Variants in PPP2R2B observed in about 807,000 individuals in gnomAD.
PPP2R2B encodes serine/threonine-protein phosphatase 2A 55 kDa regulatory subunit B beta isoform.
Under a neutral mutation model 46.0 loss-of-function variants are expected in PPP2R2B, and 5 were observed. The ratio of observed to expected loss-of-function variants is 0.11; its 90% CI spans 0.06 to 0.23. The LOEUF (loss-of-function observed/expected upper bound fraction) is 0.23. Ranked by LOEUF, PPP2R2B falls within the 10% of genes least tolerant of loss-of-function variation. The pLI is 1.00. For synonymous variants in PPP2R2B, 215 were observed against 206.7 expected (o/e 1.04, Z -0.34); for missense variants, 367 against 575.0 (o/e 0.64, Z 3.70).
intron 1 of PPP2R2B, among the ~76,000 whole-genome samples, chr5:147,045,488 G>C (rs1046113171): frequency 6.6e-6 from 1 of 152,080 alleles, no homozygotes; most frequent in African/African-American, 2.4e-5. Context: ...TGTAAGCACA[G>C]ACTGTGTTTC....
At chr5:146,938,751 C>CTTTTT (rs33961672) in intron 1 of PPP2R2B, among the ~76,000 whole-genome samples, 6 of 65,928 alleles carry the variant, frequency 9.1e-5, no homozygotes, top group Admixed American at 2.3e-4. Context: ...AGATAATAGC[C>CTTTTT]TTTTTTTTTT....
chr5:146,952,337 G>C (rs1453637546), intron 1 of PPP2R2B, among the ~76,000 whole-genome samples: 1 of 151,954 alleles, frequency 6.6e-6, no homozygotes, highest in African/African-American at 2.4e-5. Flanking sequence ...ACAGACAACA[G>C]CATCCTGCTG....
At chr5:146,970,436 A>C (rs1752614338) in intron 1 of PPP2R2B, among the ~76,000 whole-genome samples, 1 of 151,832 alleles carries the variant, frequency 6.6e-6, no homozygotes, top group Non-Finnish European at 1.5e-5. Flanking sequence ...CCCCATCTCT[A>C]CTAAAAAAAA....
In PPP2R2B at chr5:146,581,760, T is replaced by C. The variant is rs1200476671; in HGVS notation, c.*8187A>G. 1 of 152,214 alleles carries C rather than the reference T, an allele frequency of 6.6e-6. No individual in the cohort carries two copies. Among genetic ancestry groups the C allele is most frequent in the African/African-American group, 2.4e-5 (1 of 41,450 alleles). The allele number at this position is 152,214 out of a possible 1,614,324, so 9.4% of individuals were successfully genotyped here. On this transcript the variant is annotated 3_prime_UTR_variant, in exon 10 of 10. Transcript: ENST00000394411. ...TTACTTTCCTTTACGGAGAAATAGA[T>C]TGTCTTTAATATGCAACTATGATTG... is the stretch of plus-strand genomic sequence containing the variant.
At chr5:147,065,109 C>A (rs1561609168) in intron 2 of PPP2R2B, among the ~76,000 whole-genome samples, 1 of 152,128 alleles carries the variant, frequency 6.6e-6, no homozygotes, top group Non-Finnish European at 1.5e-5. Context: ...TAGATATAAT[C>A]CTGTCTTCAT....
At chr5:147,043,513 C>T (rs1580847898) in intron 1 of PPP2R2B, among the ~76,000 whole-genome samples, 1 of 152,038 alleles carries the variant, frequency 6.6e-6, no homozygotes, top group East Asian at 1.9e-4. Context: ...CTTTCAGCCT[C>T]CAGAACTGTG....
chr5:146,808,943 C>T (rs1035979214), intron 2 of PPP2R2B, among the ~76,000 whole-genome samples: 17 of 148,952 alleles, frequency 1.1e-4, no homozygotes, highest in Non-Finnish European at 2.5e-4. Flanking sequence ...GGCAGAAATG[C>T]CAGCTGCTAA....
chr5:146,946,431 G>A (rs1471378540), intron 1 of PPP2R2B, among the ~76,000 whole-genome samples: 1 of 152,046 alleles, frequency 6.6e-6, no homozygotes, highest in East Asian at 1.9e-4. Context: ...GTCTTTCATT[G>A]CAAGTTTCAT....
chr5:146,878,750 C>CTGCTGCTGCTGCTGG lies in PPP2R2B; in HGVS notation c.-285_-284insCCAGCAGCAGCAGCA. The CTGCTGCTGCTGCTGG allele has an allele frequency of 7.5e-7, 1 of 1,336,238 alleles. No individual in the cohort carries two copies. The highest frequency in any genetic ancestry group is 9.9e-7 in the Non-Finnish European group (1 of 1,014,432). 82.8% of individuals were successfully genotyped at this position (1,336,238 alleles called of 1,614,324 possible). A position where few individuals can be genotyped will look rare whatever the true frequency, so the allele number is the denominator to read the frequency against. On this transcript the variant is annotated 5_prime_UTR_variant, in exon 1 of 10. Transcript: ENST00000394411. This position sits in a 1 kb window ranked among gnomAD's most constrained non-coding sequence, Gnocchi z 4.5. ...GCAGCTGCTGCTGCTGCTGCTGCTG[C>CTGCTGCTGCTGCTGG]TGCTGCTGCAGGAGGCTGGAGGCGG...
chr5:146,920,308 A>G (rs769663171), intron 1 of PPP2R2B, among the ~76,000 whole-genome samples: 2 of 152,216 alleles, frequency 1.3e-5, no homozygotes, highest in Non-Finnish European at 2.9e-5. Context: ...TGCCTGGCAC[A>G]GGCTGTCTTT....
chr5:147,026,005 A>T (rs1755510694), intron 1 of PPP2R2B, among the ~76,000 whole-genome samples: 1 of 152,114 alleles, frequency 6.6e-6, no homozygotes, highest in African/African-American at 2.4e-5. Flanking sequence ...ATGCTGAGGA[A>T]CTGGAACTTT....
intron 1 of PPP2R2B, among the ~76,000 whole-genome samples, chr5:146,929,461 G>T (rs1763896016): frequency 6.6e-6 from 1 of 152,068 alleles, no homozygotes; most frequent in African/African-American, 2.4e-5. Flanking sequence ...CCAAAGAAAT[G>T]TCAGGAGGAG....
At chr5:146,818,429 T>C (rs1209479607) in intron 2 of PPP2R2B, among the ~76,000 whole-genome samples, 1 of 152,132 alleles carries the variant, frequency 6.6e-6, no homozygotes, top group East Asian at 1.9e-4. Context: ...TGGTGGTTGA[T>C]GGGCATTTTC....
intron 1 of PPP2R2B, among the ~76,000 whole-genome samples, chr5:146,927,174 T>A (rs1763810297): frequency 6.6e-6 from 1 of 152,198 alleles, no homozygotes; most frequent in Admixed American, 6.5e-5. Flanking sequence ...CAGGTTGTCA[T>A]AGGCCTTTGG....
At chr5:146,766,134 C>T (rs1050539083) in intron 2 of PPP2R2B, among the ~76,000 whole-genome samples, 3 of 152,166 alleles carry the variant, frequency 2.0e-5, no homozygotes, top group African/African-American at 7.2e-5. Context: ...CTGTAATGTG[C>T]TCCTAGCTTA....
Position 147,073,083 on chromosome 5 carries a change from T to C in PPP2R2B, c.50+7976A>G, listed in dbSNP as rs371117333. The stretch of plus-strand genomic sequence containing the variant: ...TTAATGGAGGGGAGCAACAGGGTTT[T>C]GTCCATGACTGGCCTCATCGTCCAG... On this transcript the variant is annotated intron_variant, in intron 2 of 10. Transcript: ENST00000394413. Among the ~76,000 whole-genome samples, 21 of 152,350 alleles carry C rather than the reference T, an allele frequency of 1.4e-4. No individual in the cohort carries two copies. The East Asian group carries it at 3.9e-3, about 28-fold the overall frequency.
rs1278600642 is a variant in PPP2R2B, at chr5:146,981,420, A to AT, written c.79+74244dup. Among the ~76,000 whole-genome samples, 5 of 151,896 alleles carry AT rather than the reference A, an allele frequency of 3.3e-5. No individual in the cohort carries two copies. In the East Asian group the frequency reaches 9.7e-4, roughly 29 times the overall value. ...GCAGTTTGAATCTATTACTTAAAGA[A>AT]TTTTTTTCTGGCTTTTATTGTTTTC... On this transcript the variant is annotated intron_variant, in intron 1 of 8. Transcript: ENST00000336640.
chr5:146,951,379 T>TATGTGCAGG (rs1164959590), intron 1 of PPP2R2B, among the ~76,000 whole-genome samples: 2 of 151,772 alleles, frequency 1.3e-5, no homozygotes, highest in African/African-American at 4.8e-5. Flanking sequence ...TTCCAGTGTA[T>TATGTGCAGG]ATGTGCAGGA....
intron 1 of PPP2R2B, among the ~76,000 whole-genome samples, chr5:146,956,169 T>A (rs1751897445): frequency 6.6e-6 from 1 of 152,112 alleles, no homozygotes; most frequent in African/African-American, 2.4e-5. Context: ...AATACACATG[T>A]TCTTTGGGAT....
Sources: allele counts gnomAD v4.1 joint callset (sites outside exome capture counted in the v4.1 genomes callset), GRCh38; gene constraint gnomAD v4.1.1; non-coding constraint Gnocchi (gnomAD v3.1); transcripts MANE v1.5; gene names NCBI Gene and HGNC (gene_info 2026-07-23, HGNC 2026-07-21).